Variants in PCLO observed in about 807,000 individuals in gnomAD.
PCLO encodes the protein protein piccolo.
A neutral mutation model predicts 427.5 loss-of-function variants in PCLO; 82 were observed. The observed-to-expected ratio is 0.19, with a 90% confidence interval of 0.16 to 0.23. The LOEUF (loss-of-function observed/expected upper bound fraction) is 0.23, where lower values mean the gene tolerates loss of function less well. Ranked by LOEUF, PCLO falls within the 10% of genes least tolerant of loss-of-function variation. The pLI is 1.00. For missense variants in PCLO, 6,239 were observed against 6,115.9 expected, an observed-to-expected ratio of 1.02 and a Z score of -0.67; for synonymous variants, 2,357 against 2,155.4, an observed-to-expected ratio of 1.09 and a Z score of -2.59.
chr7:82,997,030 T>C (rs906006728), intron 3 of PCLO, among the ~76,000 whole-genome samples: 11 of 151,986 alleles, frequency 7.2e-5, no homozygotes, highest in Admixed American at 7.2e-4. Context: ...CTAGAATTAA[T>C]TTTAAATCAA....
intron 1 of PCLO, among the ~76,000 whole-genome samples, chr7:83,160,408 A>G (rs564532910): frequency 5.9e-5 from 9 of 152,266 alleles, no homozygotes; most frequent in African/African-American, 1.9e-4. Context: ...ACATAACTCT[A>G]TAACTTTAAA....
chr7:83,073,412 A>G (rs1264644713), intron 3 of PCLO, among the ~76,000 whole-genome samples: 1 of 152,044 alleles, frequency 6.6e-6, no homozygotes. Flanking sequence ...AAGAGAGATA[A>G]TATTTTCTGC....
chr7:83,054,515 A>T (rs1431227086), intron 3 of PCLO, among the ~76,000 whole-genome samples: 1 of 152,052 alleles, frequency 6.6e-6, no homozygotes, highest in Non-Finnish European at 1.5e-5. Flanking sequence ...TGAGAAGAAG[A>T]CTCATTATTT....
chr7:82,825,813 A>G lies in PCLO; in HGVS notation c.14415+776T>C, dbSNP rs952118408. Among the ~76,000 whole-genome samples, 10 of 148,180 alleles carry G rather than the reference A, an allele frequency of 6.7e-5. No individual in the cohort carries two copies. The South Asian group carries it at 2.1e-3, about 31-fold the overall frequency. Reference sequence around the variant, plus strand: ...AATATATAAAATATATGTATATACAATGTATAATATACGTATATATAACAT... The same window carrying G: ...AATATATAAAATATATGTATATACAGTGTATAATATACGTATATATAACAT... On this transcript the variant is annotated intron_variant, in intron 18 of 24. Coordinates refer to ENST00000333891, the MANE Select transcript of PCLO (RefSeq NM_033026.6).
At chr7:83,043,396 A>AT (rs1308008769) in intron 3 of PCLO, among the ~76,000 whole-genome samples, 1 of 152,218 alleles carries the variant, frequency 6.6e-6, no homozygotes, top group Non-Finnish European at 1.5e-5. Flanking sequence ...TAGCCCTAAC[A>AT]TATCGAAGAA....
chr7:82,951,979 G>C lies in PCLO; in HGVS notation c.8974C>G (p.Pro2992Ala), dbSNP rs1795361445. 6.2e-7 allele frequency: 1 copy of C among 1,613,852 alleles called. No homozygotes were observed. The highest frequency in any genetic ancestry group is 1.6e-4 in the Middle Eastern group (1 of 6,062). Residue 2992 changes from proline (P) to alanine (A), a missense_variant, in exon 5 of 25, where the codon CCT becomes GCT. Coordinates refer to ENST00000333891, the MANE Select transcript of PCLO (RefSeq NM_033026.6). ...YGYRGIGGMK[P>A]SMSDTNLAEA... ...GCTAAATTTGTGTCAGACATGGAAG[G>C]CTTCATTCCCCCAATCCCTCTATAA...
In PCLO at chr7:83,135,253, A is replaced by G. The variant is rs759465544; in HGVS notation, c.2297T>C (p.Leu766Pro). 5 of 1,613,768 alleles carry G rather than the reference A, an allele frequency of 3.1e-6. No individual in the cohort carries two copies. The South Asian group carries it at 4.4e-5, about 14-fold the overall frequency. Residue 766 changes from leucine to proline, a missense_variant, in exon 3 of 25, where the codon CTT becomes CCT. Leu to Pro is a moderately conservative substitution (Grantham distance 98, BLOSUM62 -3). Around this residue, in one of 5 missense-constraint regions of PCLO, gnomAD observed 4,677 missense variants for 4,468.4 expected, o/e 1.05. Coordinates refer to ENST00000333891, the MANE Select transcript of PCLO (RefSeq NM_033026.6). Reference protein sequence around the residue: ...QPKMVKPTTDLVSSSSATTKP... With the variant: ...QPKMVKPTTDPVSSSSATTKP... ...TGTTGTTGCTGATGATGAAGATACA[A>G]GGTCAGTGGTTGGCTTTACCATCTT...
intron 3 of PCLO, among the ~76,000 whole-genome samples, chr7:83,080,710 T>C (rs1011454958): frequency 6.6e-6 from 1 of 152,044 alleles, no homozygotes; most frequent in Non-Finnish European, 1.5e-5. Context: ...TTTTAATGTT[T>C]CCTGGATATC....
chr7:82,888,380 T>C (rs1165790084), intron 9 of PCLO, among the ~76,000 whole-genome samples: 1 of 152,208 alleles, frequency 6.6e-6, no homozygotes, highest in Non-Finnish European at 1.5e-5. Context: ...ATAATTGATA[T>C]TGGAGAAATG....
chr7:82,786,991 T>C lies in PCLO; in HGVS notation c.15007+14527A>G, dbSNP rs551451765. 1.1e-4 allele frequency among the ~76,000 whole-genome samples: 16 copies of C among 150,892 alleles called. No individual in the cohort carries two copies. The South Asian group carries it at 3.1e-3, about 29-fold the overall frequency. ...ACGTTTTCTTTATCCAGTCTATCAC[T>C]GATAGGCGTTTGGGTTGGTTCCAAG... On this transcript the variant is annotated intron_variant, in intron 22 of 24. Transcript: ENST00000333891.
chr7:83,106,896 T>C (rs1790871788), intron 3 of PCLO, among the ~76,000 whole-genome samples: 1 of 152,132 alleles, frequency 6.6e-6, no homozygotes, highest in African/African-American at 2.4e-5. Flanking sequence ...GAGTCATCTC[T>C]CTAGTAAGAA....
At position 83,035,637 on chromosome 7, in the gene PCLO, C is replaced by G. The variant is rs559648648; in HGVS notation, c.3301-69150G>C. Among the ~76,000 whole-genome samples, 28 of 152,164 alleles carry G rather than the reference C, an allele frequency of 1.8e-4. No individual in the cohort carries two copies. The South Asian group carries it at 5.8e-3, about 32-fold the overall frequency. The stretch of plus-strand genomic sequence containing the variant: ...TTTTTAAAATCCAGTCTTGATCTTA[C>G]TAGTTACTTTATTAATCAATGAATT... On this transcript the variant is annotated intron_variant, in intron 3 of 24. Coordinates refer to ENST00000333891, the MANE Select transcript of PCLO (RefSeq NM_033026.6).
intron 3 of PCLO, among the ~76,000 whole-genome samples, chr7:83,050,277 A>ATTG (rs1562939064): frequency 6.8e-6 from 1 of 146,770 alleles, no homozygotes; most frequent in East Asian, 2.0e-4. Context: ...TTTTTAAAAA[A>ATTG]AAAAAAAAAA....
chr7:83,039,003 A>G (rs150092197), intron 3 of PCLO, among the ~76,000 whole-genome samples: 2 of 152,082 alleles, frequency 1.3e-5, no homozygotes, highest in Admixed American at 6.6e-5. Context: ...GCATGCATTT[A>G]TTGGCCATTT....
At chr7:83,047,359 A>T (rs1367274998) in intron 3 of PCLO, among the ~76,000 whole-genome samples, 1 of 152,048 alleles carries the variant, frequency 6.6e-6, no homozygotes, top group Non-Finnish European at 1.5e-5. Flanking sequence ...AGGGAGTATC[A>T]CACATAGTTT....
At chr7:82,773,483 A>C (rs1030248146) in intron 22 of PCLO, among the ~76,000 whole-genome samples, 6 of 152,028 alleles carry the variant, frequency 3.9e-5, no homozygotes, top group African/African-American at 1.4e-4. Context: ...TTTGTCCTTA[A>C]TCTTATCACT....
At chr7:82,839,826 G>C in intron 14 of PCLO, among the ~76,000 whole-genome samples, 1 of 152,032 alleles carries the variant, frequency 6.6e-6, no homozygotes, top group East Asian at 1.9e-4. Context: ...TTCAATCACA[G>C]CGACTCCAGT....
At chr7:83,057,528 A>G (rs955173900) in intron 3 of PCLO, among the ~76,000 whole-genome samples, 1 of 148,282 alleles carries the variant, frequency 6.7e-6, no homozygotes, top group African/African-American at 2.5e-5. Flanking sequence ...TGCCCGGCTA[A>G]TTTTTTGTAT....
intron 3 of PCLO, among the ~76,000 whole-genome samples, chr7:83,012,867 A>T (rs1788118393): frequency 6.6e-6 from 1 of 152,142 alleles, no homozygotes; most frequent in Non-Finnish European, 1.5e-5. Context: ...GTTTTAGATT[A>T]GTTTTGAAAG....
Sources: allele counts gnomAD v4.1 joint callset (sites outside exome capture counted in the v4.1 genomes callset), GRCh38; gene constraint gnomAD v4.1.1; regional missense constraint gnomAD v4.1.1; transcripts MANE v1.5; gene names NCBI Gene and HGNC (gene_info 2026-07-23, HGNC 2026-07-21).